Variants in LYST observed in about 807,000 individuals in gnomAD.
The protein encoded by LYST is lysosomal trafficking regulator.
In LYST, 192 loss-of-function variants were observed where a neutral mutation model predicts 413.6. The observed-to-expected ratio is 0.46, with a 90% CI of 0.41 to 0.52. The LOEUF is 0.52. Among genes scored for constraint, LYST ranks in the 20% least tolerant of loss-of-function variants. The probability of loss-of-function intolerance (pLI) is 0.00; values close to 1 mark genes in which losing one functional copy is unlikely to be tolerated. For missense variants in LYST, 3,815 were observed against 4,499.9 expected, an observed-to-expected ratio of 0.85 and a Z score of 4.35; for synonymous variants, 1,525 against 1,567.3, an observed-to-expected ratio of 0.97 and a Z score of 0.64.
chr1:235,812,269 T>C (rs1673533761), intron 4 of LYST, among the ~76,000 whole-genome samples: 1 of 152,062 alleles, frequency 6.6e-6, no homozygotes, highest in South Asian at 2.1e-4. Flanking sequence ...TTTGGGAGGC[T>C]GTGGTGGGCA....
Position 235,793,502 on chromosome 1 carries a change from C to G in LYST, c.4116+1G>C. On this transcript the variant is annotated splice_donor_variant, in intron 11 of 52. Coordinates refer to ENST00000389793, the MANE Select transcript of LYST (RefSeq NM_000081.4). LOFTEE classifies it high-confidence loss of function. ...AAATGTAAAAATTATAGCATATTTA[C>G]TGTACAAGGAGATTTCTCCAGAAAT... 1 of 1,386,160 alleles carries G rather than the reference C, an allele frequency of 7.2e-7. No individual in the cohort carries two copies. Among genetic ancestry groups the G allele is most frequent in the Non-Finnish European group, 1.0e-6 (1 of 980,916 alleles). 85.9% of individuals were successfully genotyped at this position (1,386,160 alleles called of 1,614,324 possible). A position where few individuals can be genotyped will look rare whatever the true frequency, so the allele number is the denominator to read the frequency against.
At chr1:235,677,452 T>C in intron 49 of LYST, 28 bp downstream of exon 49, 1 of 1,610,742 alleles carries the variant, frequency 6.2e-7, no homozygotes, top group Non-Finnish European at 8.5e-7. Flanking sequence ...AAAAATGCTA[T>C]GTTTGATTTG....
chr1:235,672,308 A>G (rs1271414331), intron 50 of LYST, among the ~76,000 whole-genome samples: 1 of 152,192 alleles, frequency 6.6e-6, no homozygotes, highest in Non-Finnish European at 1.5e-5. Context: ...CACCTAGTAC[A>G]GCTAGAGAAG....
chr1:235,771,001 C>G (rs1462627276), intron 19 of LYST, among the ~76,000 whole-genome samples: 1 of 152,180 alleles, frequency 6.6e-6, no homozygotes, highest in African/African-American at 2.4e-5. Context: ...TTCAATAAAG[C>G]TTTTAACAAA....
intron 50 of LYST, among the ~76,000 whole-genome samples, chr1:235,669,917 G>T (rs1658795930): frequency 6.6e-6 from 1 of 152,156 alleles, no homozygotes; most frequent in Non-Finnish European, 1.5e-5. Flanking sequence ...CAGAGTGGGG[G>T]GTGGGGATTG....
intron 46 of LYST, among the ~76,000 whole-genome samples, chr1:235,695,047 T>C (rs1660974932): frequency 6.6e-6 from 1 of 152,208 alleles, no homozygotes; most frequent in Admixed American, 6.5e-5. Context: ...TCAATGCCTC[T>C]CTAGAATGTC....
intron 1 of LYST, among the ~76,000 whole-genome samples, chr1:235,865,972 C>G (rs1461023325): frequency 6.6e-6 from 1 of 152,228 alleles, no homozygotes; most frequent in Non-Finnish European, 1.5e-5. Flanking sequence ...ACCCCATTAA[C>G]TATCAAGTGC....
At chr1:235,789,061 A>T (rs1670726001) in intron 12 of LYST, among the ~76,000 whole-genome samples, 1 of 152,184 alleles carries the variant, frequency 6.6e-6, no homozygotes, top group Non-Finnish European at 1.5e-5. Context: ...TCAGTACTTT[A>T]AAAGTTATTA....
intron 40 of LYST, among the ~76,000 whole-genome samples, chr1:235,719,041 G>A (rs562648757): frequency 6.6e-6 from 1 of 151,966 alleles, no homozygotes; most frequent in East Asian, 1.9e-4. Flanking sequence ...TTTTTGAGAC[G>A]GAGTTTCACT....
intron 50 of LYST, among the ~76,000 whole-genome samples, chr1:235,673,068 A>G (rs1261619774): frequency 2.6e-5 from 4 of 152,172 alleles, no homozygotes; most frequent in African/African-American, 7.2e-5. Flanking sequence ...GGTGCTCTTA[A>G]CAACTGAAAC....
intron 50 of LYST, among the ~76,000 whole-genome samples, chr1:235,667,159 G>A (rs1658563242): frequency 6.6e-6 from 1 of 152,128 alleles, no homozygotes; most frequent in Non-Finnish European, 1.5e-5. Flanking sequence ...CTAAAAGTCA[G>A]AAACCTAGGC....
rs1278659326 is a variant in LYST, at chr1:235,806,613, C to G, written c.2523G>C (p.Gly841=). The G allele has an allele frequency of 3.7e-6, 6 of 1,614,052 alleles. No individual in the cohort carries two copies. The highest frequency in any genetic ancestry group is 3.4e-6 in the Non-Finnish European group (4 of 1,179,940). ...ACAACTCCTTCTGTTCAATGTCTAT[C>G]CCATCAATATCTGGAACTGAGGCAT... ...QKDASVPDID[G]IDIEQKELSS... Residue 841 remains glycine, a synonymous_variant, in exon 6 of 53, where the codon GGG becomes GGC. Transcript: ENST00000389793.
In LYST at chr1:235,808,550, T is replaced by C. The variant is rs1673118688; in HGVS notation, c.2268A>G (p.Ser756=). Residue 756 remains serine (S), a synonymous_variant, in exon 5 of 53, where the codon TCA becomes TCG. Coordinates refer to ENST00000389793, the MANE Select transcript of LYST (RefSeq NM_000081.4). ...GATGGCTACATACATGACTTTGAGC[T>C]GAAGTAACGCTTAGGTGTTGACAAT... The part of the protein sequence containing the change: ...AHHCQHLSVT[S]AQSHVCSHHN... 1 of 1,613,984 alleles carries C rather than the reference T, an allele frequency of 6.2e-7. No homozygotes were observed. The highest frequency in any genetic ancestry group is 1.3e-5 in the African/African-American group (1 of 75,006).
chr1:235,677,220 A>G, intron 49 of LYST, 32 bp from the exon 50 acceptor site: 1 of 1,439,316 alleles, frequency 6.9e-7, no homozygotes, highest in East Asian at 2.3e-5. Context: ...TTTGTATATG[A>G]TCATTAAATA....
At chr1:235,861,304 T>A (rs1679844818) in intron 1 of LYST, among the ~76,000 whole-genome samples, 1 of 152,240 alleles carries the variant, frequency 6.6e-6, no homozygotes, top group Non-Finnish European at 1.5e-5. Context: ...ATTTTAAGCA[T>A]TAATCTTTCA....
chr1:235,757,883 GTTTT>G (rs572690382), intron 23 of LYST, among the ~76,000 whole-genome samples: 12 of 137,736 alleles, frequency 8.7e-5, no homozygotes, highest in African/African-American at 3.2e-4. Flanking sequence ...TATTGGAAAT[GTTTT>G]TTTTTTTTTT....
At chr1:235,807,454 G>A (rs1572331332) in intron 5 of LYST, among the ~76,000 whole-genome samples, 1 of 152,078 alleles carries the variant, frequency 6.6e-6, no homozygotes, top group Non-Finnish European at 1.5e-5. Flanking sequence ...GGTTGTCCAC[G>A]AATACGCCAA....
At chr1:235,851,354 G>A (rs1678511963) in intron 1 of LYST, among the ~76,000 whole-genome samples, 1 of 151,688 alleles carries the variant, frequency 6.6e-6, no homozygotes, top group Admixed American at 6.6e-5. Flanking sequence ...GCTAAGCTAT[G>A]AGGATGCAAA....
intron 22 of LYST, 114 bp downstream of exon 22, chr1:235,762,606 G>T: frequency 9.4e-7 from 1 of 1,065,040 alleles, no homozygotes; most frequent in Non-Finnish European, 1.4e-6. Flanking sequence ...GGTGTCTCTT[G>T]TTAGATTGAA....
Sources: gnomAD v4.1 joint callset for allele counts (sites outside exome capture counted in the v4.1 genomes callset) on GRCh38, gnomAD v4.1.1 for gene constraint, MANE v1.5 for transcripts, NCBI Gene and HGNC (gene_info 2026-07-23, HGNC 2026-07-21) for gene names.